Variants in COMMD5 observed in about 807,000 individuals in gnomAD.
COMMD5 encodes the protein COMM domain containing 5.
A neutral mutation model predicts 6.9 loss-of-function variants in COMMD5; 10 were observed. That is an observed-to-expected ratio of 1.44 (90% confidence interval 0.89 to 2.45). The LOEUF (loss-of-function observed/expected upper bound fraction) is 2.45, where lower values mean the gene tolerates loss of function less well. Among genes scored for constraint, COMMD5 ranks in the 30% most tolerant of loss-of-function variants. The pLI, the probability that COMMD5 is intolerant of heterozygous loss-of-function variation, is 0.00. For synonymous variants in COMMD5, 127 were observed against 125.3 expected (o/e 1.01, Z -0.09); for missense variants, 234 against 287.8 (o/e 0.81, Z 1.35).
rs2130777355 is a variant in COMMD5, at chr8:144,851,016, G to C, written c.323C>G (p.Thr108Ser). ...GAGCTCCTGGAGCTGGTCCCTGAAG[G>C]TGTCAGGCTTCAGGCTGGTGGGGGG... The part of the protein sequence containing the change: ...RLPPTSLKPD[T>S]FRDQLQELCI... Residue 108 changes from threonine (T) to serine (S), a missense_variant, in exon 2 of 2, where the codon ACC becomes AGC. Coordinates refer to ENST00000305103, the MANE Select transcript of COMMD5 (RefSeq NM_014066.4). 6.2e-7 allele frequency: 1 copy of C among 1,612,680 alleles called. No homozygotes were observed. Among genetic ancestry groups the C allele is most frequent in the South Asian group, 1.1e-5 (1 of 91,028 alleles).
At position 144,850,681 on chromosome 8, in the gene COMMD5, G is replaced by A. The variant is rs200081301; in HGVS notation, c.658C>T (p.Arg220Cys). ...GTGAGGGGTCAGTCCTGCAGTCTGC[G>A]CTCACACCTCTTCTCCAGATCTGCC... ...EMADLEKRCE[R>C]RLQD The change falls in exon 2 of 2, where the codon CGC becomes TGC. Residue 220 changes from arginine (R) to cysteine (C), a missense_variant. Transcript: ENST00000305103. This position sits in a 1 kb window ranked among gnomAD's most constrained non-coding sequence, Gnocchi z 4.0. The A allele has an allele frequency of 9.6e-5, 155 of 1,613,494 alleles. No individual in the cohort carries two copies. In the East Asian group the frequency reaches 2.8e-3, roughly 29 times the overall value.
In COMMD5 at chr8:144,850,956, C is replaced by A; in HGVS notation, c.383G>T (p.Ser128Ile). 6.2e-7 allele frequency: 1 copy of A among 1,609,700 alleles called. No individual in the cohort carries two copies. Among genetic ancestry groups the A allele is most frequent in the Non-Finnish European group, 8.5e-7 (1 of 1,178,586 alleles). Residue 128 changes from serine to isoleucine, a missense_variant, in exon 2 of 2, where the codon AGC becomes ATC. Physicochemically the swap from Ser to Ile is moderately radical, Grantham distance 142 (BLOSUM62 -2). Coordinates refer to ENST00000305103, the MANE Select transcript of COMMD5 (RefSeq NM_014066.4). This position sits in a 1 kb window ranked among gnomAD's most constrained non-coding sequence, Gnocchi z 4.0. ...IPQDLVGDLA[S>I]VVFGSQRPLL... Reference sequence around the variant, plus strand: ...GGGCCGCTGGCTCCCAAATACCACGCTGGCCAAGTCCCCGACCAGGTCTTG... The same window carrying A: ...GGGCCGCTGGCTCCCAAATACCACGATGGCCAAGTCCCCGACCAGGTCTTG...
chr8:144,851,096 C>T lies in COMMD5; in HGVS notation c.243G>A (p.Gln81=), dbSNP rs767510656. Residue 81 remains glutamine, a synonymous_variant, in exon 2 of 2, where the codon CAG becomes CAA. Transcript: ENST00000305103. ...GCATGCCTGCCAGCAGGGCACCCAG[C>T]TGCTCCTCCGGCAGGTTGGCGCTGA... The part of the protein sequence containing the change: ...LGVSANLPEE[Q]LGALLAGMHT... The T allele has an allele frequency of 1.2e-6, 2 of 1,612,044 alleles. No homozygotes were observed. Among genetic ancestry groups the T allele is most frequent in the African/African-American group, 2.7e-5 (2 of 75,040 alleles).
At chr8:144,840,246 C>T (rs1023669380), downstream of COMMD5, among the ~76,000 whole-genome samples, 4 of 152,222 alleles carry the variant, frequency 2.6e-5, no homozygotes, top group Non-Finnish European at 5.9e-5. Flanking sequence ...CCTGTCCTCA[C>T]AGGCCTTGAG....
intron 1 of COMMD5, among the ~76,000 whole-genome samples, chr8:144,844,527 A>G (rs1735406): frequency 0.39 from 58,784 of 151,308 alleles, 11,750 homozygotes; most frequent in African/African-American, 0.48. Context: ...TGGCTAACAC[A>G]GTGAAACCCC....
downstream of COMMD5, among the ~76,000 whole-genome samples, chr8:144,849,754 C>A (rs1830654262): frequency 6.6e-6 from 1 of 151,818 alleles, no homozygotes; most frequent in Non-Finnish European, 1.5e-5. Flanking sequence ...CAACTCCACC[C>A]TGGTGACAGC....
chr8:144,841,638 C>G, exon 2 of COMMD5: 1 of 1,614,176 alleles, frequency 6.2e-7, no homozygotes, highest in South Asian at 1.1e-5. Flanking sequence ...TGGGAAGCAG[C>G]GGCCTGGATT....
At chr8:144,841,678 G>A (rs1829930737) in exon 2 of COMMD5, 11 of 1,614,176 alleles carry the variant, frequency 6.8e-6, no homozygotes, top group Non-Finnish European at 8.5e-6. Flanking sequence ...GGGAGAGAGT[G>A]CGGAAGGGAT....
chr8:144,853,475 TGTCCCGTGTGGACG>T (rs1383950292), upstream of COMMD5: 1 of 152,172 alleles, frequency 6.6e-6, no homozygotes, highest in African/African-American at 2.4e-5. Context: ...CGGGCGTCCC[TGTCCCGTGTGGACG>T]GTCTGCGCCT....
chr8:144,844,570 C>T (rs2722485), intron 1 of COMMD5, among the ~76,000 whole-genome samples: 6,560 of 151,868 alleles, frequency 0.043, 387 homozygotes, highest in East Asian at 0.25. Flanking sequence ...ATTAGCCGGG[C>T]GTGGTGGCGG....
At chr8:144,842,565 G>C (rs564102152) in intron 1 of COMMD5, 3 of 1,614,122 alleles carry the variant, frequency 1.9e-6, no homozygotes, top group Non-Finnish European at 2.5e-6. Flanking sequence ...ACCTTATTCA[G>C]CATCAGCGAA....
At chr8:144,842,119 G>C (rs1306998062) in intron 1 of COMMD5, 1 of 1,614,180 alleles carries the variant, frequency 6.2e-7, no homozygotes, top group Non-Finnish European at 8.5e-7. Flanking sequence ...TGGTTGTCGT[G>C]AGTGTGGGAA....
chr8:144,849,013 C>T (rs115582631), downstream of COMMD5, among the ~76,000 whole-genome samples: 4,015 of 152,246 alleles, frequency 0.026, 167 homozygotes, highest in African/African-American at 0.092. Context: ...TGAGAGACGG[C>T]GAGAGGTCAG....
chr8:144,848,807 G>A (rs531530265), downstream of COMMD5, among the ~76,000 whole-genome samples: 23 of 152,278 alleles, frequency 1.5e-4, no homozygotes, highest in Admixed American at 3.3e-4. Context: ...GAGGCCAGCC[G>A]CTGTCCCTGC....
chr8:144,850,584 T>G lies in COMMD5; in HGVS notation c.*80A>C. 1.4e-6 allele frequency: 2 copies of G among 1,475,638 alleles called. No homozygotes were observed. Among genetic ancestry groups the G allele is most frequent in the Admixed American group, 3.9e-5 (2 of 51,308 alleles). The allele number at this position is 1,475,638 out of a possible 1,614,324, so 91.4% of individuals were successfully genotyped here. A position where few individuals can be genotyped will look rare whatever the true frequency, so the allele number is the denominator to read the frequency against. On this transcript the variant is annotated 3_prime_UTR_variant, in exon 2 of 2. Transcript: ENST00000305103. This position sits in a 1 kb window ranked among gnomAD's most constrained non-coding sequence, Gnocchi z 4.0. ...CCTCATGGGAAGGGCAGGGCTGTCG[T>G]GGGAAGAGTCAGCTGCACTTTGGCA...
chr8:144,840,640 A>C (rs1249701965), downstream of COMMD5, among the ~76,000 whole-genome samples: 1 of 152,138 alleles, frequency 6.6e-6, no homozygotes, highest in African/African-American at 2.4e-5. Context: ...GAGAGTCCAG[A>C]AGGAACGCAG....
chr8:144,841,419 C>G lies in COMMD5; in HGVS notation c.*441G>C, dbSNP rs371057783. 7 of 1,614,054 alleles carry G rather than the reference C, an allele frequency of 4.3e-6. No homozygotes were observed. The South Asian group carries it at 7.7e-5, about 18-fold the overall frequency. On this transcript the variant is annotated 3_prime_UTR_variant and NMD_transcript_variant, in exon 2 of 2. Transcript: ENST00000530332. ...ACATGGACATCCTAAAATCAGAATC[C>G]TATGGGACAGTGGTCAGAATCTCCC...
At chr8:144,844,662 T>C (rs1261136537) in intron 1 of COMMD5, among the ~76,000 whole-genome samples, 1 of 133,466 alleles carries the variant, frequency 7.5e-6, no homozygotes, top group Non-Finnish European at 1.5e-5. Context: ...TGAGCCAAGA[T>C]CACGCCACTG....
intron 1 of COMMD5, chr8:144,843,472 C>T (rs553760467): frequency 2.4e-5 from 5 of 205,462 alleles, no homozygotes; most frequent in Admixed American, 1.1e-4. Flanking sequence ...CCTGTGGTCC[C>T]AGCTGCTCGG....
Sources: gnomAD v4.1 joint callset for allele counts (sites outside exome capture counted in the v4.1 genomes callset) on GRCh38, gnomAD v4.1.1 for gene constraint, Gnocchi (gnomAD v3.1) non-coding constraint, MANE v1.5 for transcripts, NCBI Gene and HGNC (gene_info 2026-07-23, HGNC 2026-07-21) for gene names.